Variants in IRS1 observed in about 807,000 individuals in gnomAD.
IRS1 encodes the protein insulin receptor substrate 1.
IRS1 carries 34 observed loss-of-function variants against 65.6 expected under a neutral mutation model. The ratio of observed to expected loss-of-function variants is 0.52; its 90% confidence interval spans 0.39 to 0.69. The LOEUF (loss-of-function observed/expected upper bound fraction) is 0.69, where lower values mean the gene tolerates loss of function less well. Ranked by LOEUF, IRS1 falls within the 30% of genes least tolerant of loss-of-function variation. The pLI is 0.00. For missense variants in IRS1, 1,641 were observed against 1,720.2 expected (o/e 0.95, Z 0.81); for synonymous variants, 699 against 683.5 (o/e 1.02, Z -0.35).
chr2:226,797,760 G>A lies in IRS1; in HGVS notation c.979C>T (p.Arg327Cys). The change falls in exon 1 of 2, where the codon CGC becomes TGC. Residue 327 changes from arginine to cysteine, a missense_variant. This residue lies in a region of IRS1 where 1,324 missense variants were observed against 1,361.0 expected (regional missense o/e 0.97). Transcript: ENST00000305123. The surrounding 1 kb of genome is among the most constrained non-coding windows in gnomAD (Gnocchi z 8.1). ...GTGCCTTCGCCGTCACTGGAGGCGC[G>A]GACACGGAAGGAGCCTGGCTTCCCG... ...VGGKPGSFRVRASSDGEGTMS... is the reference protein window; with the variant it reads ...VGGKPGSFRVCASSDGEGTMS... 3.8e-6 allele frequency: 6 copies of A among 1,594,666 alleles called. No homozygotes were observed. The highest frequency in any genetic ancestry group is 3.4e-6 in the Non-Finnish European group (4 of 1,175,018).
intron 1 of IRS1, among the ~76,000 whole-genome samples, chr2:226,786,259 A>G (rs887967963): frequency 6.6e-5 from 10 of 152,084 alleles, no homozygotes; most frequent in African/African-American, 2.4e-4. Flanking sequence ...GTATATACCC[A>G]GTAATGGGAC....
chr2:226,798,741 T>A lies in IRS1; in HGVS notation c.-3A>T. 2 of 1,610,016 alleles carry A rather than the reference T, an allele frequency of 1.2e-6. No homozygotes were observed. Among genetic ancestry groups the A allele is most frequent in the Non-Finnish European group, 1.7e-6 (2 of 1,178,916 alleles). On this transcript the variant is annotated 5_prime_UTR_variant, in exon 1 of 2. Transcript: ENST00000305123. This position sits in a 1 kb window ranked among gnomAD's most constrained non-coding sequence, Gnocchi z 9.4. Reference sequence around the variant, plus strand: ...TCGCTCTCCGGAGGGCTCGCCATGCTGCCACCGCCACCACCAACGCTGAGC... The same window carrying A: ...TCGCTCTCCGGAGGGCTCGCCATGCAGCCACCGCCACCACCAACGCTGAGC...
Position 226,797,398 on chromosome 2 carries a change from C to G in IRS1, c.1341G>C (p.Pro447=). The G allele has an allele frequency of 6.2e-7, 1 of 1,612,258 alleles. No individual in the cohort carries two copies. The highest frequency in any genetic ancestry group is 8.5e-7 in the Non-Finnish European group (1 of 1,179,190). Residue 447 remains proline (P), a synonymous_variant, in exon 1 of 2, where the codon CCG becomes CCC. Transcript: ENST00000305123. The surrounding 1 kb of genome is among the most constrained non-coding windows in gnomAD (Gnocchi z 8.1). ...DFRSSFRSVT[P]DSLGHTPPAR... ...CTGGTGGGGTGTGGCCCAGGGAATC[C>G]GGAGTGACACTGCGGAAGGAACTCC...
At chr2:226,791,113 T>C (rs1316733575) in intron 1 of IRS1, among the ~76,000 whole-genome samples, 1 of 152,132 alleles carries the variant, frequency 6.6e-6, no homozygotes. Context: ...CTAGCTCTGG[T>C]GCTTTGCAGT....
At chr2:226,779,759 G>A (rs779279125) in intron 1 of IRS1, among the ~76,000 whole-genome samples, 1 of 152,162 alleles carries the variant, frequency 6.6e-6, no homozygotes, top group Non-Finnish European at 1.5e-5. Context: ...AATTGCTACA[G>A]TAGCGGACAC....
At chr2:226,765,398 T>C (rs1939012419) in intron 1 of IRS1, among the ~76,000 whole-genome samples, 1 of 152,248 alleles carries the variant, frequency 6.6e-6, no homozygotes, top group Admixed American at 6.5e-5. Flanking sequence ...TTTATTGTCA[T>C]ATAAGCTTCT....
At chr2:226,775,724 C>T (rs556832585) in intron 1 of IRS1, among the ~76,000 whole-genome samples, 108 of 152,252 alleles carry the variant, frequency 7.1e-4, no homozygotes, top group African/African-American at 2.5e-3. Context: ...CTGTGCCTAC[C>T]AAAATCCATG....
Position 226,772,203 on chromosome 2 carries a change from G to A in IRS1, c.*21+22786C>T, listed in dbSNP as rs539701270. On this transcript the variant is annotated intron_variant, in intron 1 of 1. Coordinates refer to ENST00000305123, the MANE Select transcript of IRS1 (RefSeq NM_005544.3). The stretch of plus-strand genomic sequence containing the variant: ...CCTATGTTCTAAGGGTGAAAGGGGC[G>A]TTGGTGGGATATAACTCAAACCATG... 1.6e-4 allele frequency among the ~76,000 whole-genome samples: 24 copies of A among 152,258 alleles called. No individual in the cohort carries two copies. In the East Asian group the frequency reaches 2.3e-3, roughly 15 times the overall value.
intron 1 of IRS1, among the ~76,000 whole-genome samples, chr2:226,781,438 A>G (rs1939380382): frequency 6.6e-6 from 1 of 152,192 alleles, no homozygotes; most frequent in African/African-American, 2.4e-5. Flanking sequence ...ATAGGGCTCT[A>G]TTCATAGAGA....
In IRS1 at chr2:226,733,248, A is replaced by G. The variant is rs1553527177; in HGVS notation, c.*3024T>C. ...AAATTTAAATGATAGCTAGAAGACA[A>G]AAGCCAGGGAAAGAAAGGTTAAAAA... On this transcript the variant is annotated 3_prime_UTR_variant, in exon 2 of 2. Coordinates refer to ENST00000305123, the MANE Select transcript of IRS1 (RefSeq NM_005544.3). 6.6e-6 allele frequency: 1 copy of G among 152,232 alleles called. No individual in the cohort carries two copies. The highest frequency in any genetic ancestry group is 6.5e-5 in the Admixed American group (1 of 15,284). The allele number at this position is 152,232 out of a possible 1,614,324, so 9.4% of individuals were successfully genotyped here.
chr2:226,757,586 G>A (rs1938831582), intron 1 of IRS1, among the ~76,000 whole-genome samples: 1 of 152,126 alleles, frequency 6.6e-6, no homozygotes, highest in Non-Finnish European at 1.5e-5. Flanking sequence ...AGAGTCTTGT[G>A]TCCAAAGACA....
At chr2:226,763,459 G>C (rs1016652129) in intron 1 of IRS1, among the ~76,000 whole-genome samples, 1 of 152,158 alleles carries the variant, frequency 6.6e-6, no homozygotes, top group Non-Finnish European at 1.5e-5. Context: ...CTCAGATCCT[G>C]GTGGTTACCC....
intron 1 of IRS1, among the ~76,000 whole-genome samples, chr2:226,791,657 G>C (rs1000318685): frequency 3.3e-5 from 5 of 151,968 alleles, no homozygotes; most frequent in African/African-American, 1.2e-4. Flanking sequence ...ACCACCGCCA[G>C]GGGACCCGCG....
At chr2:226,786,095 C>A (rs376768322) in intron 1 of IRS1, among the ~76,000 whole-genome samples, 3,436 of 135,176 alleles carry the variant, frequency 0.025, 84 homozygotes, top group South Asian at 0.068. Flanking sequence ...ATGGCTGCAT[C>A]GTATTCCATG....
intron 1 of IRS1, among the ~76,000 whole-genome samples, chr2:226,754,906 T>C (rs1055096774): frequency 2.6e-5 from 4 of 152,204 alleles, no homozygotes; most frequent in African/African-American, 9.6e-5. Context: ...TATGTCCTCC[T>C]ATAAAAACAC....
Position 226,795,609 on chromosome 2 carries a change from G to C in IRS1, c.3130C>G (p.Pro1044Ala). Residue 1044 changes from proline to alanine, a missense_variant, in exon 1 of 2, where the codon CCG (proline) becomes GCG (alanine). Pro to Ala is a conservative substitution (Grantham distance 27). Around this residue, in one of 3 missense-constraint regions of IRS1, gnomAD observed 1,324 missense variants for 1,361.0 expected, o/e 0.97. Coordinates refer to ENST00000305123, the MANE Select transcript of IRS1 (RefSeq NM_005544.3). ...ASSSSAASASPTGPQGAAELA... is the reference protein window; with the variant it reads ...ASSSSAASASATGPQGAAELA... ...TCTGCTGCCCCTTGAGGCCCAGTCG[G>C]GGAAGCAGAGGCTGCTGAGGATGAG... 1.9e-6 allele frequency: 3 copies of C among 1,612,580 alleles called. No homozygotes were observed. The South Asian group carries it at 3.3e-5, about 18-fold the overall frequency.
intron 1 of IRS1, among the ~76,000 whole-genome samples, chr2:226,752,355 G>C (rs969274719): frequency 6.6e-6 from 1 of 152,192 alleles, no homozygotes; most frequent in South Asian, 2.1e-4. Flanking sequence ...ATTCCTATAG[G>C]AAGGCAAACA....
chr2:226,797,785 G>C lies in IRS1; in HGVS notation c.954C>G (p.Gly318=), dbSNP rs1273251443. The C allele has an allele frequency of 6.3e-7, 1 of 1,595,390 alleles. No individual in the cohort carries two copies. Among genetic ancestry groups the C allele is most frequent in the Non-Finnish European group, 8.5e-7 (1 of 1,173,188 alleles). Reference sequence around the variant, plus strand: ...GGACACGGAAGGAGCCTGGCTTCCCGCCCACCATGCTGGCCGGGGAGGTGG... The same window carrying C: ...GGACACGGAAGGAGCCTGGCTTCCCCCCCACCATGCTGGCCGGGGAGGTGG... ...ITATSPASMV[G]GKPGSFRVRA... is the part of the protein sequence containing the mutation. The change falls in exon 1 of 2, where the codon GGC becomes GGG. Residue 318 remains glycine, a synonymous_variant. Transcript: ENST00000305123. This position sits in a 1 kb window ranked among gnomAD's most constrained non-coding sequence, Gnocchi z 8.1.
chr2:226,799,637 C>G lies in IRS1; in HGVS notation c.-899G>C. The G allele has an allele frequency of 1.0e-6, 1 of 1,002,772 alleles. No individual in the cohort carries two copies. Among genetic ancestry groups the G allele is most frequent in the South Asian group, 4.6e-5 (1 of 21,978 alleles). 62.1% of individuals were successfully genotyped at this position (1,002,772 alleles called of 1,614,324 possible). On this transcript the variant is annotated 5_prime_UTR_variant, in exon 1 of 2. Coordinates refer to ENST00000305123, the MANE Select transcript of IRS1 (RefSeq NM_005544.3). This position sits in a 1 kb window ranked among gnomAD's most constrained non-coding sequence, Gnocchi z 6.1. Reference sequence around the variant, plus strand: ...ACGCCTGTTCCTCGGGAGGCGCTGCCGCTGCAGTTACTTCTCCCCTCCTCC... The same window carrying G: ...ACGCCTGTTCCTCGGGAGGCGCTGCGGCTGCAGTTACTTCTCCCCTCCTCC...
Sources: gnomAD v4.1 joint callset for allele counts (sites outside exome capture counted in the v4.1 genomes callset) on GRCh38, gnomAD v4.1.1 for gene constraint, gnomAD v4.1.1 regional missense constraint, Gnocchi (gnomAD v3.1) non-coding constraint, MANE v1.5 for transcripts, NCBI Gene and HGNC (gene_info 2026-07-23, HGNC 2026-07-21) for gene names.